The following MAPDA variants were observed in gnomAD, a reference collection of about 807,000 sequenced individuals.
MAPDA encodes the protein N6,N6-dimethyl-AMP deaminase.
chr15:43,336,442 TCAG>T, the MAPDA span, among the ~76,000 whole-genome samples: 1 of 130,968 alleles, frequency 7.6e-6, no homozygotes, highest in Non-Finnish European at 1.5e-5. Flanking sequence ...CTTAAAAATA[TCAG>T]TAATGTTTTA....
the MAPDA span, chr15:43,346,926 TGCCA>T: frequency 2.1e-6 from 2 of 956,488 alleles, no homozygotes; most frequent in Non-Finnish European, 3.3e-6. Flanking sequence ...TATTTTTTTC[TGCCA>T]TTATGTTGTT....
the MAPDA span, among the ~76,000 whole-genome samples, chr15:43,342,259 A>G: frequency 6.6e-6 from 1 of 152,064 alleles, no homozygotes; most frequent in Non-Finnish European, 1.5e-5. Context: ...AAAAGAAAAA[A>G]AGGTATTTTA....
chr15:43,331,629 G>C, the MAPDA span, among the ~76,000 whole-genome samples: 4 of 152,160 alleles, frequency 2.6e-5, no homozygotes, highest in African/African-American at 9.7e-5. Context: ...AATGAAATAA[G>C]AAAGAAAAGG....
chr15:43,352,227 T>G, the MAPDA span: 1 of 294,138 alleles, frequency 3.4e-6, no homozygotes, highest in Admixed American at 5.0e-5. Context: ...TTAGTGATCA[T>G]AAAATTTCAG....
chr15:43,335,648 T>C, the MAPDA span: 2 of 1,556,548 alleles, frequency 1.3e-6, no homozygotes, highest in Middle Eastern at 1.7e-4. Flanking sequence ...GGTAAGATGC[T>C]ATGAATCTAT....
the MAPDA span, among the ~76,000 whole-genome samples, chr15:43,342,356 T>G: frequency 6.7e-6 from 1 of 148,686 alleles, no homozygotes; most frequent in African/African-American, 2.5e-5. Context: ...GTTCCCTGGA[T>G]GAGAAACACT....
At chr15:43,333,806 A>G in the MAPDA span, among the ~76,000 whole-genome samples, 4 of 152,266 alleles carry the variant, frequency 2.6e-5, no homozygotes, top group South Asian at 6.2e-4. Context: ...GGAAACTGTT[A>G]TTCTTAAACA....
At chr15:43,340,887 A>T in the MAPDA span, among the ~76,000 whole-genome samples, 1 of 152,208 alleles carries the variant, frequency 6.6e-6, no homozygotes, top group African/African-American at 2.4e-5. Context: ...TGCTTCCTGC[A>T]TCATGGGCAC....
chr15:43,334,985 C>T, the MAPDA span: 3 of 872,464 alleles, frequency 3.4e-6, no homozygotes, highest in African/African-American at 1.8e-5. Context: ...CTAATCTTAC[C>T]AAAATGTGTG....
chr15:43,334,965 A>T, the MAPDA span: 1 of 653,256 alleles, frequency 1.5e-6, no homozygotes. Flanking sequence ...ACCCAGATCT[A>T]CACATACAGC....
At chr15:43,344,822 AG>A in the MAPDA span, among the ~76,000 whole-genome samples, 2 of 151,600 alleles carry the variant, frequency 1.3e-5, no homozygotes, top group African/African-American at 4.9e-5. Context: ...AAAAAAAAAA[AG>A]AAATATTAAC....
chr15:43,335,465 C>A, the MAPDA span, among the ~76,000 whole-genome samples: 3 of 152,186 alleles, frequency 2.0e-5, no homozygotes, highest in Admixed American at 6.5e-5. Flanking sequence ...ACCCAGGAAT[C>A]GGAGGTTACA....
At chr15:43,342,643 A>G in the MAPDA span, among the ~76,000 whole-genome samples, 1 of 151,622 alleles carries the variant, frequency 6.6e-6, no homozygotes, top group African/African-American at 2.4e-5. Flanking sequence ...TCAGCTACTC[A>G]GGAGGCTGAG....
At chr15:43,346,491 T>A in the MAPDA span, among the ~76,000 whole-genome samples, 1 of 152,202 alleles carries the variant, frequency 6.6e-6, no homozygotes, top group Admixed American at 6.5e-5. Context: ...AGTAGCACTC[T>A]CCCAGATATG....
the MAPDA span, chr15:43,342,973 T>C: frequency 1.3e-6 from 2 of 1,517,280 alleles, no homozygotes; most frequent in Non-Finnish European, 1.8e-6. Flanking sequence ...TTTACATGTA[T>C]TTTCTATGTG....
chr15:43,349,040 C>T, the MAPDA span: 24 of 1,613,960 alleles, frequency 1.5e-5, no homozygotes, highest in African/African-American at 2.0e-4. Context: ...CATCGGATAC[C>T]ACTGGGTAAG....
chr15:43,330,385 G>A, the MAPDA span: 6 of 1,592,972 alleles, frequency 3.8e-6, no homozygotes, highest in Non-Finnish European at 5.1e-6. Context: ...CGGCAAAGGG[G>A]TCCTGCACGT....
the MAPDA span, among the ~76,000 whole-genome samples, chr15:43,339,566 C>T: frequency 2.0e-5 from 3 of 152,156 alleles, no homozygotes; most frequent in Non-Finnish European, 2.9e-5. Context: ...GGACTAATTA[C>T]GGCAGTTTGT....
the MAPDA span, chr15:43,349,536 G>A: frequency 5.5e-6 from 1 of 182,528 alleles, no homozygotes; most frequent in Admixed American, 6.4e-5. Flanking sequence ...TCTTTCCCAA[G>A]AAACTCATAT....
Sources: gnomAD v4.1 joint callset for allele counts (sites outside exome capture counted in the v4.1 genomes callset) on GRCh38, gnomAD v4.1.1 for gene constraint, MANE v1.5 for transcripts, NCBI Gene and HGNC (gene_info 2026-07-23, HGNC 2026-07-21) for gene names.